The following GNL2 variants were observed in gnomAD, a reference collection of about 807,000 sequenced individuals.
GNL2 encodes nucleolar GTP-binding protein 2.
A neutral mutation model predicts 92.3 loss-of-function variants in GNL2; 51 were observed. That is an observed-to-expected ratio of 0.55 (90% confidence interval 0.44 to 0.70). The LOEUF (loss-of-function observed/expected upper bound fraction) is 0.70. Among genes scored for constraint, GNL2 ranks in the 30% least tolerant of loss-of-function variants. GNL2 has a pLI of 0.00. For synonymous variants in GNL2, 283 were observed against 300.6 expected, an observed-to-expected ratio of 0.94 and a Z score of 0.61; for missense variants, 844 against 895.6, an observed-to-expected ratio of 0.94 and a Z score of 0.74.
intron 8 of GNL2, 35 bp from the exon 9 acceptor site, chr1:37,576,591 A>T: frequency 6.2e-7 from 1 of 1,603,696 alleles, no homozygotes; most frequent in Non-Finnish European, 8.5e-7. Flanking sequence ...ACATACATGC[A>T]GTCATATATA....
intron 8 of GNL2, 68 bp downstream of exon 8, chr1:37,582,155 G>A (rs1643780272): frequency 2.8e-6 from 3 of 1,074,122 alleles, no homozygotes; most frequent in Admixed American, 4.5e-5. Flanking sequence ...GCTATGCCAT[G>A]GCAAGACAGA....
intron 13 of GNL2, 29 bp downstream of exon 13, chr1:37,568,822 T>C (rs1422755498): frequency 6.4e-7 from 1 of 1,557,744 alleles, no homozygotes; most frequent in Admixed American, 1.8e-5. Flanking sequence ...AATGAAAATC[T>C]GCAATTTGTG....
At position 37,583,921 on chromosome 1, in the gene GNL2, T is replaced by C; in HGVS notation, c.582A>G (p.Gln194=). 3.8e-6 allele frequency: 6 copies of C among 1,570,612 alleles called. No individual in the cohort carries two copies. The highest frequency in any genetic ancestry group is 5.3e-6 in the Non-Finnish European group (6 of 1,139,964). ...ACTGTCCCTTTTTATAGATCTCTTC[T>C]TGAGCTTCATTTCTAAATAAGAAAG... ...TEDTGVRNEA[Q]EEIYKKGQSK... The change falls in exon 6 of 16, where the codon CAA becomes CAG. Residue 194 remains glutamine, a synonymous_variant. Transcript: ENST00000373062.
intron 5 of GNL2, among the ~76,000 whole-genome samples, chr1:37,586,504 C>CA (rs1339972999): frequency 6.6e-6 from 1 of 152,042 alleles, no homozygotes; most frequent in Non-Finnish European, 1.5e-5. Flanking sequence ...AAAACAAAAA[C>CA]AAAAAACACA....
chr1:37,580,375 C>A (rs1045771827), intron 8 of GNL2, among the ~76,000 whole-genome samples: 1 of 152,188 alleles, frequency 6.6e-6, no homozygotes, highest in Non-Finnish European at 1.5e-5. Context: ...GAAGACAGTG[C>A]AGTGGTAACC....
chr1:37,567,824 C>T (rs369019790), intron 14 of GNL2, 60 bp from the exon 15 acceptor site: 52 of 1,294,232 alleles, frequency 4.0e-5, no homozygotes, highest in East Asian at 6.9e-5. Context: ...ATAAACCCAA[C>T]GGTGGGAACA....
At chr1:37,568,116 A>T in intron 14 of GNL2, 159 bp downstream of exon 14, 1 of 609,818 alleles carries the variant, frequency 1.6e-6, no homozygotes. Flanking sequence ...TGAAAAGCAG[A>T]TAATTCAATT....
At chr1:37,567,936 C>A in intron 14 of GNL2, 172 bp from the exon 15 acceptor site, 1 of 611,362 alleles carries the variant, frequency 1.6e-6, no homozygotes, top group Non-Finnish European at 2.9e-6. Context: ...AAAGGATGCC[C>A]TAAGCCATGC....
intron 3 of GNL2, among the ~76,000 whole-genome samples, chr1:37,592,040 A>T (rs1309818867): frequency 6.6e-6 from 1 of 152,204 alleles, no homozygotes; most frequent in Non-Finnish European, 1.5e-5. Context: ...GTTCTTAGGA[A>T]GTATCCCACT....
chr1:37,568,155 T>G, intron 14 of GNL2, 120 bp downstream of exon 14: 1 of 653,184 alleles, frequency 1.5e-6, no homozygotes, highest in Non-Finnish European at 2.7e-6. Context: ...TTTAAAGTAA[T>G]CTGCCAGATA....
At chr1:37,574,863 T>C in intron 10 of GNL2, 40 bp from the exon 11 acceptor site, 1 of 1,498,592 alleles carries the variant, frequency 6.7e-7, no homozygotes, top group Non-Finnish European at 9.3e-7. Context: ...CAAACTTTGT[T>C]GTGGAAGCAG....
At chr1:37,567,162 G>A (rs1009005805) in intron 15 of GNL2, among the ~76,000 whole-genome samples, 155 bp from the exon 16 acceptor site, 1 of 152,104 alleles carries the variant, frequency 6.6e-6, no homozygotes, top group Non-Finnish European at 1.5e-5. Context: ...GGGCTCCCCC[G>A]TAGACCTAAG....
chr1:37,574,906 G>T, intron 10 of GNL2, 83 bp from the exon 11 acceptor site: 1 of 955,454 alleles, frequency 1.0e-6, no homozygotes. Flanking sequence ...AGCACTATTT[G>T]AAAATAGACT....
At chr1:37,572,084 G>A (rs1044372512) in intron 12 of GNL2, among the ~76,000 whole-genome samples, 5 of 152,042 alleles carry the variant, frequency 3.3e-5, no homozygotes, top group African/African-American at 4.8e-5. Context: ...CTCATATTAA[G>A]GGCTCTGCTG....
intron 1 of GNL2, 100 bp downstream of exon 1, chr1:37,595,659 C>T (rs532674796): frequency 4.5e-4 from 435 of 974,316 alleles, no homozygotes; most frequent in Admixed American, 8.7e-4. Context: ...TCATTCTAAG[C>T]AATGCCACTC....
intron 4 of GNL2, among the ~76,000 whole-genome samples, chr1:37,590,242 G>C (rs1168349603): frequency 6.6e-6 from 1 of 152,190 alleles, no homozygotes; most frequent in African/African-American, 2.4e-5. Flanking sequence ...CTGAGTAGCT[G>C]AGATTACAGG....
intron 5 of GNL2, among the ~76,000 whole-genome samples, chr1:37,585,544 T>C (rs1643838199): frequency 6.6e-6 from 1 of 152,256 alleles, no homozygotes; most frequent in Non-Finnish European, 1.5e-5. Flanking sequence ...GTTTATTTAC[T>C]AGTCTCTAGG....
rs750530728 is a variant in GNL2 at position 37,582,771 on chromosome 1, T to C, written c.795+7A>G. 21 of 1,607,510 alleles carry C rather than the reference T, an allele frequency of 1.3e-5. No homozygotes were observed. Among genetic ancestry groups the C allele is most frequent in the Non-Finnish European group, 1.7e-5 (20 of 1,176,384 alleles). On this transcript the variant is annotated splice_region_variant and intron_variant, in intron 7 of 15. Transcript: ENST00000373062. ...ATAGTCTATTCTGGTTTAGTAGTTG[T>C]ACTTACTGTTGCCCAGGTTGGAACA...
intron 12 of GNL2, among the ~76,000 whole-genome samples, chr1:37,571,778 T>C (rs1193093970): frequency 1.3e-5 from 2 of 151,920 alleles, no homozygotes; most frequent in Non-Finnish European, 2.9e-5. Context: ...TCTGAACTAC[T>C]TATCTACACT....
Sources: gnomAD v4.1 joint callset for allele counts (sites outside exome capture counted in the v4.1 genomes callset) on GRCh38, gnomAD v4.1.1 for gene constraint, MANE v1.5 for transcripts, NCBI Gene and HGNC (gene_info 2026-07-23, HGNC 2026-07-21) for gene names.